Variants in DPY19L3 observed in about 807,000 individuals in gnomAD.
DPY19L3 encodes dpy-19 like C-mannosyltransferase 3.
In DPY19L3, 51 loss-of-function variants were observed where a neutral mutation model predicts 92.3. The observed-to-expected ratio is 0.55, with a 90% CI of 0.44 to 0.70. DPY19L3 has a LOEUF of 0.70. Ranked by LOEUF, DPY19L3 falls within the 30% of genes least tolerant of loss-of-function variation. The pLI is 0.00. For missense variants in DPY19L3, 706 were observed against 855.9 expected, an observed-to-expected ratio of 0.82 and a Z score of 2.18; for synonymous variants, 309 against 315.2, an observed-to-expected ratio of 0.98 and a Z score of 0.21.
In DPY19L3 at chr19:32,432,799, C is replaced by T. The variant is rs557500437; in HGVS notation, c.321C>T (p.Leu107=). The T allele has an allele frequency of 2.7e-5, 43 of 1,613,566 alleles. No individual in the cohort carries two copies. The highest frequency in any genetic ancestry group is 2.2e-4 in the East Asian group (10 of 44,840). Residue 107 remains leucine (L), a synonymous_variant, in exon 4 of 19, where the codon CTC becomes CTT. Coordinates refer to ENST00000392250, the MANE Select transcript of DPY19L3 (RefSeq NM_001172774.2). ...YYKQMLQAPT[L]VQGFHGLIYD... ...AGCAGATGCTGCAGGCTCCAACCCT[C>T]GTGCAAGGTAATTACAACTGATAGT...
At chr19:32,443,933 G>A (rs1290624777) in intron 8 of DPY19L3, among the ~76,000 whole-genome samples, 3 of 151,732 alleles carry the variant, frequency 2.0e-5, no homozygotes, top group Non-Finnish European at 4.4e-5. Context: ...GCATGTGCCT[G>A]TAATCACAGC....
At chr19:32,438,947 G>C in intron 6 of DPY19L3, 165 bp from the exon 7 acceptor site, 1 of 447,512 alleles carries the variant, frequency 2.2e-6, no homozygotes, top group East Asian at 3.7e-5. Context: ...TTACAGGGAT[G>C]ATGATGATGA....
At chr19:32,413,695 A>C (rs936717202) in intron 3 of DPY19L3, among the ~76,000 whole-genome samples, 1 of 149,772 alleles carries the variant, frequency 6.7e-6, no homozygotes, top group African/African-American at 2.5e-5. Context: ...TTCTTGTCAG[A>C]AGAATTTTAC....
intron 5 of DPY19L3, 54 bp from the exon 6 acceptor site, chr19:32,437,140 C>T (rs775131042): frequency 1.2e-6 from 2 of 1,604,552 alleles, no homozygotes; most frequent in Middle Eastern, 2.0e-4. Flanking sequence ...TTAAATGGCA[C>T]TGAGGAGGGT....
In DPY19L3 at chr19:32,458,120, A is replaced by C; in HGVS notation, c.1110A>C (p.Ser370=). Residue 370 remains serine, a synonymous_variant, in exon 11 of 19, where the codon TCA becomes TCC. Transcript: ENST00000392250. ...GATAGAAAATTCTTAACCTGAAGTC[A>C]GATGAACACATATTTAAATTTCTGA... is the stretch of plus-strand genomic sequence containing the variant. ...NIIKKILNLK[S]DEHIFKFLKA... 1 of 1,613,680 alleles carries C rather than the reference A, an allele frequency of 6.2e-7. No individual in the cohort carries two copies. The highest frequency in any genetic ancestry group is 1.1e-5 in the South Asian group (1 of 90,922).
chr19:32,443,305 A>C (rs941859716), intron 8 of DPY19L3, among the ~76,000 whole-genome samples: 4 of 152,212 alleles, frequency 2.6e-5, no homozygotes, highest in African/African-American at 9.6e-5. Context: ...GAAAGTACTG[A>C]GGCAGCACCC....
intron 3 of DPY19L3, among the ~76,000 whole-genome samples, chr19:32,424,783 T>C (rs1968701750): frequency 6.6e-6 from 1 of 152,136 alleles, no homozygotes; most frequent in African/African-American, 2.4e-5. Context: ...TAAAACAGTT[T>C]TGAAAAAGAA....
intron 10 of DPY19L3, among the ~76,000 whole-genome samples, chr19:32,457,850 A>G (rs1395049012): frequency 6.6e-6 from 1 of 152,198 alleles, no homozygotes; most frequent in African/African-American, 2.4e-5. Flanking sequence ...TATTTTGCAT[A>G]TTTAACTTAT....
At chr19:32,468,554 G>A (rs1014260180) in intron 15 of DPY19L3, 177 bp from the exon 16 acceptor site, 29 of 1,257,378 alleles carry the variant, frequency 2.3e-5, no homozygotes, top group East Asian at 6.2e-5. Context: ...CTTCCCAGGC[G>A]CTAGTTCCCT....
chr19:32,426,525 C>G (rs1185064951), intron 3 of DPY19L3, among the ~76,000 whole-genome samples: 1 of 152,206 alleles, frequency 6.6e-6, no homozygotes, highest in East Asian at 1.9e-4. Flanking sequence ...ATGTGCCACA[C>G]TTCCTTTCGA....
At chr19:32,419,714 AT>A (rs1968501217) in intron 3 of DPY19L3, among the ~76,000 whole-genome samples, 1 of 152,184 alleles carries the variant, frequency 6.6e-6, no homozygotes, top group Admixed American at 6.5e-5. Context: ...GATTATAGAC[AT>A]GAGCCACAAT....
At chr19:32,407,276 A>T (rs1171589902) in intron 1 of DPY19L3, among the ~76,000 whole-genome samples, 5 of 36,478 alleles carry the variant, frequency 1.4e-4, no homozygotes, top group African/African-American at 4.3e-4. Flanking sequence ...CCCCCCACCC[A>T]TTACTCCCAC....
In DPY19L3 at chr19:32,465,152, T is replaced by C. The variant is rs1464396549; in HGVS notation, c.1614+368T>C. ...ATATAGACTAAGAGATTTTTAAATG[T>C]ATCTTACTTTAAGCTCCATATTTTA... On this transcript the variant is annotated intron_variant, in intron 15 of 18. Coordinates refer to ENST00000392250, the MANE Select transcript of DPY19L3 (RefSeq NM_001172774.2). 2.0e-5 allele frequency among the ~76,000 whole-genome samples: 3 copies of C among 152,246 alleles called. No individual in the cohort carries two copies. In the East Asian group the frequency reaches 5.8e-4, roughly 29 times the overall value.
chr19:32,461,145 C>T (rs1970028550), intron 12 of DPY19L3, among the ~76,000 whole-genome samples: 1 of 152,332 alleles, frequency 6.6e-6, no homozygotes, highest in East Asian at 1.9e-4. Context: ...GGATGACAGG[C>T]ATGAGCCACT....
rs374414641 is a variant in DPY19L3 at position 32,432,726 on chromosome 19, G to A, written c.248G>A (p.Arg83Gln). Residue 83 changes from arginine to glutamine, a missense_variant, in exon 4 of 19, where the codon CGA (arginine) becomes CAA (glutamine). Arg to Gln is a conservative substitution (Grantham distance 43). Coordinates refer to ENST00000392250, the MANE Select transcript of DPY19L3 (RefSeq NM_001172774.2). ...CTAACTCTGTTTTAGGAAGTGGAGC[G>A]AGAAATCTCATTCAGAACAGAGTGT... is the stretch of plus-strand genomic sequence containing the variant. ...LWFSNIKEVE[R>Q]EISFRTECGL... 1.7e-5 allele frequency: 27 copies of A among 1,613,730 alleles called. No individual in the cohort carries two copies. Among genetic ancestry groups the A allele is most frequent in the Admixed American group, 3.3e-5 (2 of 59,996 alleles).
chr19:32,427,448 TC>T (rs34114915), intron 3 of DPY19L3, among the ~76,000 whole-genome samples: 1 of 152,228 alleles, frequency 6.6e-6, no homozygotes, highest in African/African-American at 2.4e-5. Context: ...TAGTCTTTTT[TC>T]CTTGTGCTAA....
At chr19:32,468,450 T>C in intron 15 of DPY19L3, 1 of 1,097,852 alleles carries the variant, frequency 9.1e-7, no homozygotes, top group South Asian at 3.3e-5. Context: ...TCACATACAA[T>C]AGCATTTCTA....
At chr19:32,477,805 T>C in intron 17 of DPY19L3, 151 bp downstream of exon 17, 1 of 1,106,836 alleles carries the variant, frequency 9.0e-7, no homozygotes, top group South Asian at 1.7e-5. Flanking sequence ...GATAAAGGCA[T>C]ACCTGACACT....
At chr19:32,417,197 T>C (rs1489054777) in intron 3 of DPY19L3, among the ~76,000 whole-genome samples, 1 of 152,226 alleles carries the variant, frequency 6.6e-6, no homozygotes, top group Non-Finnish European at 1.5e-5. Flanking sequence ...ATCTCATCTT[T>C]AATTGTAGTT....
Sources: allele counts gnomAD v4.1 joint callset (sites outside exome capture counted in the v4.1 genomes callset), GRCh38; gene constraint gnomAD v4.1.1; transcripts MANE v1.5; gene names NCBI Gene and HGNC (gene_info 2026-07-23, HGNC 2026-07-21).